The following TMCO4 variants were observed in gnomAD, a reference collection of about 807,000 sequenced individuals.
TMCO4 encodes transmembrane and coiled-coil domains 4, also known as transmembrane and coiled-coil domain-containing protein 4.
Under a neutral mutation model 64.7 loss-of-function variants are expected in TMCO4, and 58 were observed. The observed-to-expected ratio is 0.90, with a 90% CI of 0.73 to 1.12. The LOEUF (loss-of-function observed/expected upper bound fraction) is 1.12. Ranked by LOEUF, TMCO4 falls within the 50% of genes most tolerant of loss-of-function variation. The pLI is 0.00. For synonymous variants in TMCO4, 325 were observed against 346.1 expected (o/e 0.94, Z 0.68); for missense variants, 780 against 825.9 (o/e 0.94, Z 0.68).
intron 6 of TMCO4, among the ~76,000 whole-genome samples, chr1:19,759,088 A>G (rs2006004): frequency 0.33 from 45,158 of 136,126 alleles, 7,416 homozygotes; most frequent in East Asian, 0.45. Flanking sequence ...GGCAACAGAG[A>G]GAGACTCGGT....
At chr1:19,695,664 T>C (rs2095231409) in intron 14 of TMCO4, among the ~76,000 whole-genome samples, 4 of 152,118 alleles carry the variant, frequency 2.6e-5, no homozygotes, top group African/African-American at 9.7e-5. Context: ...CCCCCACCTG[T>C]CTGGGACACA....
intron 13 of TMCO4, among the ~76,000 whole-genome samples, chr1:19,721,655 G>A (rs925382879): frequency 3.9e-5 from 6 of 152,104 alleles, no homozygotes; most frequent in African/African-American, 1.2e-4. Context: ...CAGGCATGGT[G>A]GCACATGCCT....
chr1:19,728,993 G>A (rs1305208512), intron 13 of TMCO4, among the ~76,000 whole-genome samples: 1 of 152,160 alleles, frequency 6.6e-6, no homozygotes, highest in Non-Finnish European at 1.5e-5. Context: ...TATGTGTTCA[G>A]GAAGTAGAAG....
intron 6 of TMCO4, among the ~76,000 whole-genome samples, chr1:19,757,402 C>A (rs1157657991): frequency 1.3e-5 from 2 of 152,130 alleles, no homozygotes; most frequent in East Asian, 3.8e-4. Context: ...TGACTTAGAT[C>A]CTCATGTCTC....
rs928854271 is a variant in TMCO4 at position 19,714,565 on chromosome 1, A to T, written c.1265-13680T>A. On this transcript the variant is annotated intron_variant, in intron 13 of 15. Coordinates refer to ENST00000294543, the MANE Select transcript of TMCO4 (RefSeq NM_181719.7). ...TGAAAACTCATCTTTACAGCTACTC[A>T]TACATGGGAATCTGTGTAGCCTAGA... Among the ~76,000 whole-genome samples the T allele has an allele frequency of 4.6e-5, 7 of 152,162 alleles. No individual in the cohort carries two copies. The East Asian group carries it at 1.2e-3, about 25-fold the overall frequency.
At chr1:19,762,091 G>GAGCT (rs1467573751) in intron 6 of TMCO4, among the ~76,000 whole-genome samples, 1 of 152,246 alleles carries the variant, frequency 6.6e-6, no homozygotes, top group Non-Finnish European at 1.5e-5. Flanking sequence ...GAGAGTGCTG[G>GAGCT]AGCTTGGATT....
rs144607713 is a variant in TMCO4, at chr1:19,780,639, G to A, written c.120C>T (p.Phe40=). ...TGRELTEANR[F]AYAALCGISL... The stretch of plus-strand genomic sequence containing the variant: ...AGATGCCACAGAGGGCAGCATAGGC[G>A]AAGCGGTTGGCCTCAGTCAGCTCCC... The change falls in exon 4 of 16, where the codon TTC becomes TTT. Residue 40 remains phenylalanine, a synonymous_variant. Transcript: ENST00000294543. The A allele has an allele frequency of 3.2e-5, 51 of 1,613,790 alleles. No homozygotes were observed. The African/African-American group carries it at 5.7e-4, about 18-fold the overall frequency.
intron 3 of TMCO4, among the ~76,000 whole-genome samples, chr1:19,782,734 T>TG (rs1233452502): frequency 6.6e-5 from 10 of 152,112 alleles, no homozygotes; most frequent in African/African-American, 2.2e-4. Flanking sequence ...GAAAGAACCC[T>TG]GGGAGCCACC....
At chr1:19,746,917 C>T (rs1242204373) in intron 8 of TMCO4, among the ~76,000 whole-genome samples, 2 of 121,754 alleles carry the variant, frequency 1.6e-5, no homozygotes, top group East Asian at 2.2e-4. Context: ...GAGCAAGATA[C>T]TGTCTCAAAA....
intron 6 of TMCO4, among the ~76,000 whole-genome samples, chr1:19,765,537 C>T (rs996554955): frequency 6.6e-6 from 1 of 150,688 alleles, no homozygotes; most frequent in African/African-American, 2.4e-5. Flanking sequence ...GGCTAAGCAG[C>T]CCATGGCACA....
rs539927108 is a variant in TMCO4, at chr1:19,760,389, C to A, written c.383-4623G>T. 2.6e-5 allele frequency among the ~76,000 whole-genome samples: 4 copies of A among 152,278 alleles called. No homozygotes were observed. The East Asian group carries it at 7.7e-4, about 29-fold the overall frequency. On this transcript the variant is annotated intron_variant, in intron 6 of 15. Coordinates refer to ENST00000294543, the MANE Select transcript of TMCO4 (RefSeq NM_181719.7). ...CTGACCCAGTCCACTCCTTCCTAGT[C>A]TCTTACCATGAGTTATTTCTCCGTA...
At chr1:19,686,234 C>CCTGGAT in intron 15 of TMCO4, among the ~76,000 whole-genome samples, 2 of 152,268 alleles carry the variant, frequency 1.3e-5, no homozygotes, top group East Asian at 3.9e-4. Flanking sequence ...CTGGATCTGC[C>CCTGGAT]CCTGAGATGG....
At chr1:19,696,925 G>A (rs2095240900) in intron 14 of TMCO4, among the ~76,000 whole-genome samples, 1 of 152,170 alleles carries the variant, frequency 6.6e-6, no homozygotes, top group African/African-American at 2.4e-5. Context: ...CCCGGCTCTG[G>A]ACCATACAGA....
chr1:19,756,350 A>G (rs1223397075), intron 6 of TMCO4, among the ~76,000 whole-genome samples: 1 of 152,212 alleles, frequency 6.6e-6, no homozygotes, highest in East Asian at 1.9e-4. Flanking sequence ...ATGGATGCCC[A>G]AAGACATTGC....
intron 15 of TMCO4, among the ~76,000 whole-genome samples, chr1:19,692,572 A>G (rs1339669314): frequency 2.1e-5 from 3 of 142,222 alleles, no homozygotes; most frequent in Non-Finnish European, 3.0e-5. Flanking sequence ...TCTATTAAAA[A>G]TACAAAAAAA....
At chr1:19,772,625 C>T (rs953885711) in intron 4 of TMCO4, among the ~76,000 whole-genome samples, 1 of 152,144 alleles carries the variant, frequency 6.6e-6, no homozygotes, top group East Asian at 1.9e-4. Flanking sequence ...GTCGATTATA[C>T]CACTCCCGGG....
At position 19,682,301 on chromosome 1, in the gene TMCO4, T is replaced by C. The variant is rs2095108311; in HGVS notation, c.*739A>G. The C allele has an allele frequency of 7.4e-6, 2 of 271,764 alleles. No homozygotes were observed. The highest frequency in any genetic ancestry group is 4.2e-5 in the African/African-American group (2 of 47,196). The allele number at this position is 271,764 out of a possible 1,614,324, so 16.8% of individuals were successfully genotyped here. ...TCTGTTCCTGCTACAGGAAATTCTT[T>C]CCATGTAAAATTCATTCTTGTCCCC... is the stretch of plus-strand genomic sequence containing the variant. On this transcript the variant is annotated 3_prime_UTR_variant, in exon 16 of 16. Transcript: ENST00000294543.
intron 13 of TMCO4, among the ~76,000 whole-genome samples, chr1:19,729,117 T>A (rs2095419853): frequency 6.6e-6 from 1 of 152,090 alleles, no homozygotes; most frequent in African/African-American, 2.4e-5. Flanking sequence ...AGACCTAGTA[T>A]TTGATAGCAC....
intron 5 of TMCO4, among the ~76,000 whole-genome samples, 156 bp from the exon 6 acceptor site, chr1:19,770,725 G>A (rs925530656): frequency 6.6e-6 from 1 of 152,196 alleles, no homozygotes; most frequent in Non-Finnish European, 1.5e-5. Context: ...ACAGGCAAGC[G>A]AAGAAAGAAA....
Sources: gnomAD v4.1 joint callset for allele counts (sites outside exome capture counted in the v4.1 genomes callset) on GRCh38, gnomAD v4.1.1 for gene constraint, MANE v1.5 for transcripts, NCBI Gene and HGNC (gene_info 2026-07-23, HGNC 2026-07-21) for gene names.